CLIC5: variants seen among roughly 807,000 people sequenced by gnomAD.
CLIC5 encodes CLIC family member 5, also known as chloride intracellular channel protein 5.
A neutral mutation model predicts 24.7 loss-of-function variants in CLIC5; 20 were observed. The ratio of observed to expected loss-of-function variants is 0.81; its 90% CI spans 0.57 to 1.18. CLIC5 has a LOEUF of 1.18. Among genes scored for constraint, CLIC5 ranks in the 50% most tolerant of loss-of-function variants. The probability of loss-of-function intolerance (pLI) is 0.00; values close to 1 mark genes in which losing one functional copy is unlikely to be tolerated. For missense variants in CLIC5, 341 were observed against 326.1 expected (o/e 1.05, Z -0.35); for synonymous variants, 159 against 135.6 (o/e 1.17, Z -1.20).
chr6:45,983,117 G>C (rs1183442891), intron 1 of CLIC5, among the ~76,000 whole-genome samples: 1 of 152,184 alleles, frequency 6.6e-6, no homozygotes, highest in Non-Finnish European at 1.5e-5. Context: ...CGTACATTCA[G>C]TGAGAGATCA....
chr6:45,979,140 C>T (rs1765485355), intron 1 of CLIC5, among the ~76,000 whole-genome samples: 1 of 152,102 alleles, frequency 6.6e-6, no homozygotes, highest in Non-Finnish European at 1.5e-5. Flanking sequence ...AAGTCATTTA[C>T]CTCCTCTGAG....
the CLIC5 span, among the ~76,000 whole-genome samples, chr6:46,101,945 A>C: frequency 8.3e-3 from 1,222 of 147,156 alleles, 20 homozygotes; most frequent in African/African-American, 0.029. Flanking sequence ...TTCCAGGTAC[A>C]TTCTAGAATA....
the CLIC5 span, among the ~76,000 whole-genome samples, chr6:46,124,817 C>G: frequency 6.6e-6 from 1 of 152,292 alleles, no homozygotes; most frequent in Admixed American, 6.5e-5. Context: ...CCAACAGACA[C>G]ATGAAAAAAT....
At chr6:46,080,618 G>GAGCT (rs1385894938), upstream of CLIC5, among the ~76,000 whole-genome samples, 1 of 152,090 alleles carries the variant, frequency 6.6e-6, no homozygotes, top group Non-Finnish European at 1.5e-5. Context: ...TTCATCAATA[G>GAGCT]AGCTCCCTCC....
chr6:46,086,414 T>C, the CLIC5 span, among the ~76,000 whole-genome samples: 1 of 152,156 alleles, frequency 6.6e-6, no homozygotes, highest in Non-Finnish European at 1.5e-5. Context: ...TCTTAAGTGA[T>C]AGATAAGTGG....
chr6:46,079,878 G>A, exon 1 of CLIC5: 1 of 1,552,116 alleles, frequency 6.4e-7, no homozygotes, highest in Non-Finnish European at 8.7e-7. Context: ...CTGGAGTTCT[G>A]CTGCGCAGAG....
the CLIC5 span, among the ~76,000 whole-genome samples, chr6:46,108,470 C>T: frequency 6.6e-6 from 1 of 151,784 alleles, no homozygotes; most frequent in East Asian, 1.9e-4. Flanking sequence ...GGTCTTGGCT[C>T]ACTGCAACCT....
intron 1 of CLIC5, among the ~76,000 whole-genome samples, chr6:46,076,975 A>G (rs893077295): frequency 6.6e-6 from 1 of 152,038 alleles, no homozygotes; most frequent in African/African-American, 2.4e-5. Flanking sequence ...CGTCTCTACT[A>G]AAAATACAAA....
intron 1 of CLIC5, among the ~76,000 whole-genome samples, chr6:45,993,889 A>T (rs1318590011): frequency 6.6e-6 from 1 of 152,172 alleles, no homozygotes; most frequent in East Asian, 1.9e-4. Flanking sequence ...GTTAAAATAC[A>T]TCCGTTCATG....
intron 2 of CLIC5, among the ~76,000 whole-genome samples, chr6:45,949,762 A>G (rs1183613778): frequency 2.0e-5 from 3 of 152,222 alleles, no homozygotes; most frequent in African/African-American, 7.2e-5. Flanking sequence ...AATGCGCTAC[A>G]CATAATTCCA....
intron 1 of CLIC5, among the ~76,000 whole-genome samples, chr6:45,963,006 G>C (rs75180076): frequency 6.6e-6 from 1 of 152,242 alleles, no homozygotes; most frequent in Non-Finnish European, 1.5e-5. Flanking sequence ...CATCACCACT[G>C]TCCCTTCTCC....
intron 1 of CLIC5, among the ~76,000 whole-genome samples, chr6:46,002,928 C>A (rs1331004036): frequency 6.6e-6 from 1 of 152,186 alleles, no homozygotes; most frequent in African/African-American, 2.4e-5. Context: ...TGGGAAAATG[C>A]CTTCTGATTT....
At chr6:46,110,053 T>A in the CLIC5 span, among the ~76,000 whole-genome samples, 1 of 152,126 alleles carries the variant, frequency 6.6e-6, no homozygotes, top group Non-Finnish European at 1.5e-5. Context: ...GGGTCTAGAC[T>A]TGCTGGCTCC....
chr6:46,112,993 T>G, the CLIC5 span, among the ~76,000 whole-genome samples: 1 of 151,828 alleles, frequency 6.6e-6, no homozygotes, highest in African/African-American at 2.4e-5. Flanking sequence ...GAGGTGGAGG[T>G]TGCAATAAGC....
At chr6:45,989,025 C>T (rs567535992) in intron 1 of CLIC5, among the ~76,000 whole-genome samples, 4 of 152,338 alleles carry the variant, frequency 2.6e-5, no homozygotes, top group East Asian at 1.9e-4. Flanking sequence ...GACTCTTCTG[C>T]CCCCATGGCT....
intron 1 of CLIC5, among the ~76,000 whole-genome samples, chr6:45,984,794 T>A (rs1765677814): frequency 6.6e-6 from 1 of 152,198 alleles, no homozygotes; most frequent in Admixed American, 6.5e-5. Context: ...TTCATTGAGG[T>A]TTCCATGATG....
intron 6 of CLIC5, among the ~76,000 whole-genome samples, chr6:45,883,155 A>T (rs1202889102): frequency 3.3e-5 from 5 of 152,202 alleles, no homozygotes; most frequent in Non-Finnish European, 7.3e-5. Context: ...GTGTCTTACA[A>T]CATATTCCAC....
upstream of CLIC5, among the ~76,000 whole-genome samples, chr6:46,083,260 C>G (rs1035370636): frequency 1.3e-5 from 2 of 152,046 alleles, no homozygotes; most frequent in South Asian, 2.1e-4. Flanking sequence ...AGGGTTTTTT[C>G]TGTCTCTATT....
upstream of CLIC5, chr6:46,015,879 G>C (rs1026111962): frequency 9.5e-7 from 1 of 1,054,772 alleles, no homozygotes; most frequent in African/African-American, 1.7e-5. Context: ...CGCCGCCAAC[G>C]CGCCCAAAAT....
Sources: gnomAD v4.1 joint callset for allele counts (sites outside exome capture counted in the v4.1 genomes callset) on GRCh38, gnomAD v4.1.1 for gene constraint, MANE v1.5 for transcripts, NCBI Gene and HGNC (gene_info 2026-07-23, HGNC 2026-07-21) for gene names.